The following F13A1 variants were observed in gnomAD, a reference collection of about 807,000 sequenced individuals.
The protein encoded by F13A1 is FSF, A subunit.
In F13A1, 47 loss-of-function variants were observed where a neutral mutation model predicts 80.1. The observed-to-expected ratio is 0.59, with a 90% CI of 0.46 to 0.75. The LOEUF (loss-of-function observed/expected upper bound fraction) is 0.75, where lower values mean the gene tolerates loss of function less well. Among genes scored for constraint, F13A1 ranks in the 30% least tolerant of loss-of-function variants. The pLI, the probability that F13A1 is intolerant of heterozygous loss-of-function variation, is 0.00. For missense variants in F13A1, 817 were observed against 930.4 expected (o/e 0.88, Z 1.59); for synonymous variants, 349 against 344.9 (o/e 1.01, Z -0.13).
chr6:6,284,966 CTG>C (rs1247165715), intron 3 of F13A1, among the ~76,000 whole-genome samples: 1 of 152,216 alleles, frequency 6.6e-6, no homozygotes, highest in Non-Finnish European at 1.5e-5. Flanking sequence ...TACTCTCTGA[CTG>C]TGTTCATTGT....
intron 11 of F13A1, among the ~76,000 whole-genome samples, chr6:6,181,029 C>T (rs910936183): frequency 3.4e-4 from 52 of 152,168 alleles, no homozygotes; most frequent in African/African-American, 1.2e-3. Context: ...AGGACACTCA[C>T]GGTCCTCCAG....
chr6:6,208,180 G>A (rs564277088), intron 8 of F13A1, among the ~76,000 whole-genome samples: 37 of 152,116 alleles, frequency 2.4e-4, no homozygotes, highest in South Asian at 2.3e-3. Context: ...TAGAGAATAC[G>A]AATGAAAAGA....
In F13A1 at chr6:6,145,422, A is replaced by G. The variant is rs1237462986; in HGVS notation, c.*197T>C. Reference sequence around the variant, plus strand: ...TCTTTGGAAGGTGGAGAGATTAAAAACTAACTTCCTTGCCGAATAGCCTGG... The same window carrying G: ...TCTTTGGAAGGTGGAGAGATTAAAAGCTAACTTCCTTGCCGAATAGCCTGG... On this transcript the variant is annotated 3_prime_UTR_variant, in exon 15 of 15. Coordinates refer to ENST00000264870, the MANE Select transcript of F13A1 (RefSeq NM_000129.4). 6.0e-6 allele frequency: 4 copies of G among 668,624 alleles called. No homozygotes were observed. The highest frequency in any genetic ancestry group is 1.1e-5 in the Non-Finnish European group (4 of 380,618). 41.4% of individuals were successfully genotyped at this position (668,624 alleles called of 1,614,324 possible). A position where few individuals can be genotyped will look rare whatever the true frequency, so the allele number is the denominator to read the frequency against.
intron 3 of F13A1, among the ~76,000 whole-genome samples, chr6:6,291,528 A>G (rs1378666796): frequency 6.6e-6 from 1 of 152,110 alleles, no homozygotes; most frequent in Non-Finnish European, 1.5e-5. Flanking sequence ...TTTGGAATCT[A>G]CCCGAGTTCA....
chr6:6,267,625 C>T (rs1028020465), intron 3 of F13A1, among the ~76,000 whole-genome samples: 1 of 152,032 alleles, frequency 6.6e-6, no homozygotes, highest in Admixed American at 6.6e-5. Flanking sequence ...ACAGTGGTTC[C>T]CAGCAGCTGT....
chr6:6,231,069 A>G (rs991889990), intron 6 of F13A1, among the ~76,000 whole-genome samples: 13 of 152,208 alleles, frequency 8.5e-5, no homozygotes, highest in African/African-American at 3.1e-4. Context: ...ATCCAAACAA[A>G]GAAGAAATCC....
chr6:6,224,042 G>A (rs1156633816), intron 7 of F13A1, among the ~76,000 whole-genome samples: 1 of 152,172 alleles, frequency 6.6e-6, no homozygotes, highest in Non-Finnish European at 1.5e-5. Context: ...GCATGACACT[G>A]AAGAGAATAA....
At chr6:6,155,152 C>T (rs35669374) in intron 13 of F13A1, among the ~76,000 whole-genome samples, 30,777 of 152,116 alleles carry the variant, frequency 0.2, 3,264 homozygotes, top group Middle Eastern at 0.28. Flanking sequence ...AAGAACCCTT[C>T]CCATACCAGT....
chr6:6,261,470 C>T (rs989624000), intron 4 of F13A1, among the ~76,000 whole-genome samples: 1 of 152,338 alleles, frequency 6.6e-6, no homozygotes, highest in Middle Eastern at 3.4e-3. Context: ...TAAGTGTTGA[C>T]CCCGACCAGC....
chr6:6,223,194 C>T (rs1339009614), intron 7 of F13A1, among the ~76,000 whole-genome samples: 1 of 152,232 alleles, frequency 6.6e-6, no homozygotes, highest in Non-Finnish European at 1.5e-5. Context: ...GGTTTACTCT[C>T]GTTGTGACTT....
intron 3 of F13A1, among the ~76,000 whole-genome samples, chr6:6,300,205 T>C (rs1758401384): frequency 8.8e-6 from 1 of 113,752 alleles, no homozygotes; most frequent in Non-Finnish European, 1.6e-5. Flanking sequence ...TCTTTTTGTT[T>C]GTCTGTGCCC....
chr6:6,161,551 T>TGTGTGTGTGTGTGTGTGTGTGAGA (rs1010361754), intron 13 of F13A1, among the ~76,000 whole-genome samples: 18 of 146,380 alleles, frequency 1.2e-4, no homozygotes, highest in African/African-American at 4.3e-4. Context: ...TGTGTGTGTG[T>TGTGTGTGTGTGTGTGTGTGTGAGA]GAGAGAGAGA....
rs1176683234 is a variant in F13A1, at chr6:6,144,361, C to T, written c.*1258G>A. On this transcript the variant is annotated 3_prime_UTR_variant, in exon 15 of 15. Transcript: ENST00000264870. Reference sequence around the variant, plus strand: ...ACCAGAGCATTCCATTCTGATTTTGCCCCCAGTATACTTATCACTGTTCAT... The same window carrying T: ...ACCAGAGCATTCCATTCTGATTTTGTCCCCAGTATACTTATCACTGTTCAT... 2 of 152,150 alleles carry T rather than the reference C, an allele frequency of 1.3e-5. No homozygotes were observed. The highest frequency in any genetic ancestry group is 1.5e-5 in the Non-Finnish European group (1 of 68,032). 9.4% of individuals were successfully genotyped at this position (152,150 alleles called of 1,614,324 possible). A position where few individuals can be genotyped will look rare whatever the true frequency, so the allele number is the denominator to read the frequency against.
At chr6:6,146,472 T>G (rs926702889) in intron 14 of F13A1, among the ~76,000 whole-genome samples, 1 of 152,200 alleles carries the variant, frequency 6.6e-6, no homozygotes, top group African/African-American at 2.4e-5. Context: ...TCCCAGCCTT[T>G]GCCCTGAAGT....
chr6:6,200,337 CAGG>C (rs1761371031), intron 8 of F13A1, among the ~76,000 whole-genome samples: 1 of 152,062 alleles, frequency 6.6e-6, no homozygotes. Context: ...GAGGCCGAGG[CAGG>C]AGAACTGCTT....
chr6:6,301,912 G>A (rs991499470), intron 3 of F13A1, among the ~76,000 whole-genome samples: 1 of 152,150 alleles, frequency 6.6e-6, no homozygotes, highest in Admixed American at 6.5e-5. Context: ...TGAGATCCAC[G>A]GGGGCCCTGT....
At chr6:6,294,120 T>A (rs1307052085) in intron 3 of F13A1, among the ~76,000 whole-genome samples, 6 of 152,198 alleles carry the variant, frequency 3.9e-5, no homozygotes, top group Non-Finnish European at 1.5e-5. Context: ...AAAAGTTTTT[T>A]TAAGTATATA....
rs1416645539 is a variant in F13A1, at chr6:6,222,018, G to T, written c.1112+15C>A. The T allele has an allele frequency of 3.7e-6, 6 of 1,613,290 alleles. No homozygotes were observed. The highest frequency in any genetic ancestry group is 5.1e-6 in the Non-Finnish European group (6 of 1,179,770). On this transcript the variant is annotated intron_variant, in intron 8 of 14. Coordinates refer to ENST00000264870, the MANE Select transcript of F13A1 (RefSeq NM_000129.4). ...TAATGTGACATCAGCCAATGCCATT[G>T]TCAATCAAACTCACCACACTGAATC... is the stretch of plus-strand genomic sequence containing the variant.
chr6:6,174,924 C>G, intron 11 of F13A1, 57 bp from the exon 12 acceptor site: 1 of 1,601,278 alleles, frequency 6.2e-7, no homozygotes, highest in South Asian at 1.1e-5. Context: ...GAGAGAAAGT[C>G]ACATTAATGG....
Sources: gnomAD v4.1 joint callset for allele counts (sites outside exome capture counted in the v4.1 genomes callset) on GRCh38, gnomAD v4.1.1 for gene constraint, MANE v1.5 for transcripts, NCBI Gene and HGNC (gene_info 2026-07-23, HGNC 2026-07-21) for gene names.